The following RNF122 variants were observed in gnomAD, a reference collection of about 807,000 sequenced individuals.
The protein encoded by RNF122 is ring finger protein 122.
RNF122 carries 17 observed loss-of-function variants against 24.2 expected under a neutral mutation model. The observed-to-expected ratio is 0.70, with a 90% CI of 0.48 to 1.06. The LOEUF (loss-of-function observed/expected upper bound fraction) is 1.06. Ranked by LOEUF, RNF122 falls within the 50% of genes least tolerant of loss-of-function variation. The probability of loss-of-function intolerance (pLI) is 0.00; values close to 1 mark genes in which losing one functional copy is unlikely to be tolerated. For missense variants in RNF122, 168 were observed against 198.1 expected (o/e 0.85, Z 0.91); for synonymous variants, 65 against 71.8 (o/e 0.91, Z 0.48).
At chr8:33,563,228 G>C (rs1232439660) in intron 1 of RNF122, among the ~76,000 whole-genome samples, 2 of 151,996 alleles carry the variant, frequency 1.3e-5, no homozygotes, top group African/African-American at 4.8e-5. Flanking sequence ...TCAATAACTA[G>C]TTAACAGATA....
chr8:33,550,968 C>G, intron 4 of RNF122, 76 bp downstream of exon 4: 2 of 1,433,176 alleles, frequency 1.4e-6, no homozygotes, highest in South Asian at 2.3e-5. Context: ...GAAAAGCGTC[C>G]AGGCAGAGAA....
intron 2 of RNF122, among the ~76,000 whole-genome samples, chr8:33,556,226 T>G (rs972692710): frequency 8.0e-5 from 12 of 149,210 alleles, no homozygotes; most frequent in Non-Finnish European, 1.8e-4. Flanking sequence ...GTCACACCTA[T>G]TATTGGTTGA....
In RNF122 at chr8:33,548,573, G is replaced by A; in HGVS notation, c.*180C>T. 2 of 534,100 alleles carry A rather than the reference G, an allele frequency of 3.7e-6. No individual in the cohort carries two copies. The highest frequency in any genetic ancestry group is 3.1e-5 in the Admixed American group (1 of 32,710). 33.1% of individuals were successfully genotyped at this position (534,100 alleles called of 1,614,324 possible). A position where few individuals can be genotyped will look rare whatever the true frequency, so the allele number is the denominator to read the frequency against. On this transcript the variant is annotated 3_prime_UTR_variant, in exon 6 of 6. Transcript: ENST00000256257. ...GGAAGAAGGCTTCAGGAGGCAGGAA[G>A]TGGGGGCACATCTGGCACTGGTCTT...
intron 1 of RNF122, 56 bp from the exon 2 acceptor site, chr8:33,558,827 T>G: frequency 7.2e-7 from 1 of 1,390,416 alleles, no homozygotes; most frequent in Non-Finnish European, 9.7e-7. Flanking sequence ...GCTGGGCTGA[T>G]AGCACTGTGT....
intron 3 of RNF122, 26 bp downstream of exon 3, chr8:33,551,318 C>T: frequency 6.2e-7 from 1 of 1,613,828 alleles, no homozygotes. Flanking sequence ...GAGAAGGAAG[C>T]TTCTGGGAAA....
Position 33,567,078 on chromosome 8 carries a change from G to C in RNF122, c.-355C>G. ...AGGGAAAAACCTTTGCCGGAGGCTC[G>C]GATCGGGTTCAGCGGCGCAGAGGTG... is the stretch of plus-strand genomic sequence containing the variant. On this transcript the variant is annotated 5_prime_UTR_variant, in exon 1 of 6. Coordinates refer to ENST00000256257, the MANE Select transcript of RNF122 (RefSeq NM_024787.3). 2.8e-6 allele frequency: 1 copy of C among 353,156 alleles called. No individual in the cohort carries two copies. Among genetic ancestry groups the C allele is most frequent in the Non-Finnish European group, 5.3e-6 (1 of 187,848 alleles). The allele number at this position is 353,156 out of a possible 1,614,324, so 21.9% of individuals were successfully genotyped here.
chr8:33,563,509 G>A (rs1810572391), intron 1 of RNF122, among the ~76,000 whole-genome samples: 1 of 152,200 alleles, frequency 6.6e-6, no homozygotes, highest in Non-Finnish European at 1.5e-5. Flanking sequence ...TGCCCAACAG[G>A]AAGTTCCTTG....
intron 5 of RNF122, 101 bp downstream of exon 5, chr8:33,549,309 G>T: frequency 2.1e-6 from 2 of 943,826 alleles, no homozygotes; most frequent in East Asian, 2.4e-5. Context: ...GGGGCATCAC[G>T]GATAAGGGGC....
rs141431566 is a variant in RNF122 at position 33,551,072 on chromosome 8, C to T, written c.242G>A (p.Gly81Asp). ...RYGYKEVVLK[G>D]DAKKLQLYGQ... ...ATATAATTGTAACTTCTTGGCATCA[C>T]CTTTAAGCACCACCTGAAAAGAAAG... The change falls in exon 4 of 6, where the codon GGT becomes GAT. Residue 81 changes from glycine (G) to aspartate (D), a missense_variant. Transcript: ENST00000256257. 1.6e-5 allele frequency: 26 copies of T among 1,614,012 alleles called. No homozygotes were observed. Among genetic ancestry groups the T allele is most frequent in the African/African-American group, 2.7e-5 (2 of 74,902 alleles).
chr8:33,565,655 GAACT>G (rs1810611131), intron 1 of RNF122, among the ~76,000 whole-genome samples: 1 of 152,190 alleles, frequency 6.6e-6, no homozygotes, highest in Admixed American at 6.5e-5. Flanking sequence ...CAGGTGAAAT[GAACT>G]AACTTAGAAG....
In RNF122 at chr8:33,548,815, G is replaced by T; in HGVS notation, c.406C>A (p.Pro136Thr). The change falls in exon 6 of 6, where the codon CCC becomes ACC. Residue 136 changes from proline to threonine, a missense_variant. Transcript: ENST00000256257. ...VRCVCPMCNKPIASPSEATQN... is the reference protein window; with the variant it reads ...VRCVCPMCNKTIASPSEATQN... The stretch of plus-strand genomic sequence containing the variant: ...GTGGCCTCTGAGGGACTAGCAATGG[G>T]CTTGTTACACATGGGGCAGACACAG... The T allele has an allele frequency of 6.2e-7, 1 of 1,614,018 alleles. No homozygotes were observed. The highest frequency in any genetic ancestry group is 8.5e-7 in the Non-Finnish European group (1 of 1,179,980).
chr8:33,549,852 CTTTCT>C (rs1407407549), intron 4 of RNF122, among the ~76,000 whole-genome samples: 1 of 152,022 alleles, frequency 6.6e-6, no homozygotes, highest in African/African-American at 2.4e-5. Context: ...GTTTTCAATC[CTTTCT>C]TGCCCAATAC....
intron 2 of RNF122, among the ~76,000 whole-genome samples, chr8:33,555,673 C>T (rs1259291552): frequency 2.0e-5 from 3 of 152,216 alleles, no homozygotes; most frequent in Admixed American, 6.5e-5. Flanking sequence ...TGGAAGGACT[C>T]GGCAAGACCC....
chr8:33,562,985 G>A (rs1458346344), intron 1 of RNF122, among the ~76,000 whole-genome samples: 1 of 152,040 alleles, frequency 6.6e-6, no homozygotes, highest in East Asian at 1.9e-4. Context: ...CAGTTACTCG[G>A]GAGGCTGGAG....
intron 2 of RNF122, among the ~76,000 whole-genome samples, chr8:33,552,073 T>G (rs550203216): frequency 6.6e-6 from 1 of 152,306 alleles, no homozygotes; most frequent in Non-Finnish European, 1.5e-5. Context: ...TCTTAATGAT[T>G]CCAAACTCCA....
chr8:33,556,194 A>G (rs1198129455), intron 2 of RNF122, among the ~76,000 whole-genome samples: 1 of 151,424 alleles, frequency 6.6e-6, no homozygotes, highest in Non-Finnish European at 1.5e-5. Context: ...AAAAAAAAAA[A>G]AAAAAAAAAA....
chr8:33,559,447 A>T (rs576139146), intron 1 of RNF122, among the ~76,000 whole-genome samples: 2 of 152,182 alleles, frequency 1.3e-5, no homozygotes, highest in Non-Finnish European at 2.9e-5. Flanking sequence ...AGCTAGCCAT[A>T]TGACCGTTAA....
chr8:33,552,985 C>T (rs926786189), intron 2 of RNF122, among the ~76,000 whole-genome samples: 8 of 150,998 alleles, frequency 5.3e-5, no homozygotes, highest in Admixed American at 4.0e-4. Flanking sequence ...GCATAAGCAT[C>T]GCTTGAACCC....
chr8:33,562,575 TG>T (rs1325543975), intron 1 of RNF122, among the ~76,000 whole-genome samples: 1 of 149,136 alleles, frequency 6.7e-6, no homozygotes, highest in Non-Finnish European at 1.5e-5. Flanking sequence ...AAAGATTAGA[TG>T]ATCTGATGAT....
Sources: allele counts gnomAD v4.1 joint callset (sites outside exome capture counted in the v4.1 genomes callset), GRCh38; gene constraint gnomAD v4.1.1; transcripts MANE v1.5; gene names NCBI Gene and HGNC (gene_info 2026-07-23, HGNC 2026-07-21).